Variants in HIVEP3 observed in about 807,000 individuals in gnomAD.
HIVEP3 encodes HIVEP zinc finger 3, also known as transcription factor HIVEP3.
Under a neutral mutation model 152.8 loss-of-function variants are expected in HIVEP3, and 49 were observed. That is an observed-to-expected ratio of 0.32 (90% CI 0.26 to 0.41). The LOEUF (loss-of-function observed/expected upper bound fraction) is 0.41. HIVEP3 is among the 10% of genes least tolerant of loss of function. The pLI, the probability that HIVEP3 is intolerant of heterozygous loss-of-function variation, is 1.00. For synonymous variants in HIVEP3, 1,269 were observed against 1,289.0 expected, an observed-to-expected ratio of 0.98 and a Z score of 0.33; for missense variants, 2,790 against 3,103.3, an observed-to-expected ratio of 0.90 and a Z score of 2.40.
intron 2 of HIVEP3, among the ~76,000 whole-genome samples, chr1:41,678,084 A>AATATTTTGG (rs1319220536): frequency 6.6e-6 from 1 of 152,132 alleles, no homozygotes; most frequent in Non-Finnish European, 1.5e-5. Flanking sequence ...GCTCTGAATA[A>AATATTTTGG]ATATTTTGGT....
At chr1:41,525,186 G>A (rs1355727223) in intron 5 of HIVEP3, among the ~76,000 whole-genome samples, 1 of 152,206 alleles carries the variant, frequency 6.6e-6, no homozygotes, top group Non-Finnish European at 1.5e-5. Context: ...GGGATGTGGA[G>A]CTGCAGGGTG....
intron 1 of HIVEP3, among the ~76,000 whole-genome samples, chr1:41,707,909 C>G (rs1350922915): frequency 6.6e-6 from 1 of 152,230 alleles, no homozygotes; most frequent in Non-Finnish European, 1.5e-5. Flanking sequence ...CAAGCCGAAC[C>G]CTGGCCTGTC....
Position 41,513,590 on chromosome 1 carries a change from T to A in HIVEP3, c.5631A>T (p.Pro1877=), listed in dbSNP as rs752314537. ...GGCCAGGCGGGGGCGCCTCTGAGGATGGTCTGGACAGCTCATCCTGGCTCT... is the reference window on the plus strand; with the variant it reads ...GGCCAGGCGGGGGCGCCTCTGAGGAAGGTCTGGACAGCTCATCCTGGCTCT... ...EEESQDELSR[P]SSEAPPPGPP... Residue 1877 remains proline, a synonymous_variant, in exon 8 of 9, where the codon CCA becomes CCT. Transcript: ENST00000372583. 1.2e-6 allele frequency: 2 copies of A among 1,613,614 alleles called. No individual in the cohort carries two copies.
chr1:41,705,060 C>G (rs1428161983), intron 1 of HIVEP3, among the ~76,000 whole-genome samples: 1 of 152,238 alleles, frequency 6.6e-6, no homozygotes, highest in Non-Finnish European at 1.5e-5. Flanking sequence ...GTGCGAGGTT[C>G]TGGTATAAAG....
intron 1 of HIVEP3, chr1:41,847,078 G>C (rs1010769037): frequency 2.0e-5 from 3 of 152,210 alleles, no homozygotes; most frequent in African/African-American, 7.2e-5. Flanking sequence ...TCATGCATTT[G>C]GGTTCTGAGC....
chr1:41,537,140 G>T (rs892543350), intron 5 of HIVEP3, among the ~76,000 whole-genome samples: 2 of 152,118 alleles, frequency 1.3e-5, no homozygotes, highest in Middle Eastern at 3.2e-3. Flanking sequence ...TGAAATGAAG[G>T]GATGAACTCA....
At chr1:41,602,619 C>T (rs1007838514) in intron 3 of HIVEP3, among the ~76,000 whole-genome samples, 1 of 151,872 alleles carries the variant, frequency 6.6e-6, no homozygotes, top group Non-Finnish European at 1.5e-5. Flanking sequence ...ATTTGAGTCT[C>T]CTCTCTTTTT....
chr1:41,697,143 C>T lies in HIVEP3; in HGVS notation c.-721+3773G>A, dbSNP rs372686728. On this transcript the variant is annotated intron_variant, in intron 2 of 8. Coordinates refer to ENST00000372583, the MANE Select transcript of HIVEP3 (RefSeq NM_024503.5). ...CTGTTGCACTGGAGTTTCCCCAAGC[C>T]TTGCCCCACTTAATTCTGTAGCTGG... is the stretch of plus-strand genomic sequence containing the variant. Among the ~76,000 whole-genome samples the T allele has an allele frequency of 5.9e-5, 9 of 152,270 alleles. 1 individual carries two copies. The highest frequency in any genetic ancestry group is 2.2e-4 in the African/African-American group (9 of 41,532).
chr1:41,802,111 G>C (rs1055317969), intron 1 of HIVEP3, among the ~76,000 whole-genome samples: 1 of 152,240 alleles, frequency 6.6e-6, no homozygotes, highest in African/African-American at 2.4e-5. Context: ...GTCCCTGCCA[G>C]TTTAGAAAGC....
chr1:41,524,486 C>T (rs1171481678), intron 6 of HIVEP3, among the ~76,000 whole-genome samples: 1 of 152,078 alleles, frequency 6.6e-6, no homozygotes, highest in African/African-American at 2.4e-5. Context: ...AGGCCAGGGC[C>T]GGGTGGCCAC....
intron 1 of HIVEP3, among the ~76,000 whole-genome samples, chr1:41,729,554 T>A (rs1049093686): frequency 1.1e-4 from 16 of 152,176 alleles, no homozygotes; most frequent in Non-Finnish European, 1.8e-4. Context: ...CCCGTTGACT[T>A]TAAAGCTGGA....
rs1203638309 is a variant in HIVEP3 at position 41,582,897 on chromosome 1, T to A, written c.1901A>T (p.Lys634Met). ...GATCACCCCTTTTGTTTTCAAACCC[T>A]TCTTGGTCTTTTTGGTAAGCTCGCT... Reference protein sequence around the residue: ...KESELTKKTKKGLKTKGVIYE... With the variant: ...KESELTKKTKMGLKTKGVIYE... Residue 634 changes from lysine to methionine, a missense_variant, in exon 4 of 9, where the codon AAG becomes ATG. This residue lies in a region of HIVEP3 where 339 missense variants were observed against 327.0 expected (regional missense o/e 1.04). Transcript: ENST00000372583. This position sits in a 1 kb window ranked among gnomAD's most constrained non-coding sequence, Gnocchi z 4.7. 1.9e-6 allele frequency: 3 copies of A among 1,614,170 alleles called. No homozygotes were observed. The highest frequency in any genetic ancestry group is 2.5e-6 in the Non-Finnish European group (3 of 1,180,028).
intron 3 of HIVEP3, among the ~76,000 whole-genome samples, chr1:41,606,475 T>A (rs1644824002): frequency 1.3e-5 from 2 of 152,072 alleles, no homozygotes; most frequent in South Asian, 2.1e-4. Flanking sequence ...GTTAACAACA[T>A]CATTATGAAG....
intron 1 of HIVEP3, among the ~76,000 whole-genome samples, chr1:41,875,878 T>C (rs1297655861): frequency 6.6e-6 from 1 of 152,198 alleles, no homozygotes; most frequent in Non-Finnish European, 1.5e-5. Flanking sequence ...AATTTGTAAT[T>C]ATGTGATTTT....
At chr1:41,990,116 G>A (rs2124515924) in intron 1 of HIVEP3, among the ~76,000 whole-genome samples, 1 of 99,694 alleles carries the variant, frequency 1.0e-5, no homozygotes, top group South Asian at 4.0e-4. Context: ...GGGCAGGCCT[G>A]GTGGTGACAA....
chr1:41,768,170 T>A (rs1648131219), intron 1 of HIVEP3, among the ~76,000 whole-genome samples: 1 of 152,078 alleles, frequency 6.6e-6, no homozygotes, highest in South Asian at 2.1e-4. Flanking sequence ...GAAAAAGAGG[T>A]TTAATGGACT....
intron 2 of HIVEP3, among the ~76,000 whole-genome samples, chr1:41,641,110 G>A (rs1189283725): frequency 6.6e-6 from 1 of 152,206 alleles, no homozygotes. Flanking sequence ...TTATGTTTAT[G>A]ATTATTTCAT....
At chr1:41,638,373 G>GAAA (rs10673212) in intron 2 of HIVEP3, among the ~76,000 whole-genome samples, 3 of 122,726 alleles carry the variant, frequency 2.4e-5, no homozygotes, top group Admixed American at 7.5e-5. Context: ...AAGAAAGAAA[G>GAAA]GGAGAGAGAG....
chr1:41,723,496 A>ACAGCC (rs1553253147), intron 1 of HIVEP3, among the ~76,000 whole-genome samples: 12,473 of 132,750 alleles, frequency 0.094, 1,730 homozygotes, highest in African/African-American at 0.32. Flanking sequence ...ACACACACAC[A>ACAGCC]GCCACCACAC....
Sources: allele counts gnomAD v4.1 joint callset (sites outside exome capture counted in the v4.1 genomes callset), GRCh38; gene constraint gnomAD v4.1.1; regional missense constraint gnomAD v4.1.1; non-coding constraint Gnocchi (gnomAD v3.1); transcripts MANE v1.5; gene names NCBI Gene and HGNC (gene_info 2026-07-23, HGNC 2026-07-21).